Variants in KCNMB2 observed in about 807,000 individuals in gnomAD.
The protein encoded by KCNMB2 is calcium-activated potassium channel subunit beta-2.
In KCNMB2, 9 loss-of-function variants were observed where a neutral mutation model predicts 24.5. That is an observed-to-expected ratio of 0.37 (90% CI 0.22 to 0.64). The LOEUF (loss-of-function observed/expected upper bound fraction) is 0.64. Among genes scored for constraint, KCNMB2 ranks in the 30% least tolerant of loss-of-function variants. KCNMB2 has a pLI of 0.63. For missense variants in KCNMB2, 226 were observed against 284.3 expected (o/e 0.79, Z 1.47); for synonymous variants, 109 against 104.4 (o/e 1.04, Z -0.27).
At chr3:178,614,840 T>C (rs1035654423) in intron 1 of KCNMB2, among the ~76,000 whole-genome samples, 9 of 152,200 alleles carry the variant, frequency 5.9e-5, no homozygotes, top group African/African-American at 2.2e-4. Context: ...TAGATGTTTT[T>C]TGGTGTCTGT....
intron 1 of KCNMB2, among the ~76,000 whole-genome samples, chr3:178,547,565 T>C (rs1176099011): frequency 6.6e-6 from 1 of 152,226 alleles, no homozygotes; most frequent in East Asian, 1.9e-4. Flanking sequence ...TATGTATGTA[T>C]GTGTGTATGT....
chr3:178,610,589 G>A (rs538281413), intron 1 of KCNMB2, among the ~76,000 whole-genome samples: 5 of 152,274 alleles, frequency 3.3e-5, no homozygotes, highest in African/African-American at 7.2e-5. Context: ...ACTGATTTCT[G>A]TATGTTGACT....
intron 1 of KCNMB2, among the ~76,000 whole-genome samples, chr3:178,634,873 C>G (rs1719458783): frequency 6.6e-6 from 1 of 152,020 alleles, no homozygotes; most frequent in Non-Finnish European, 1.5e-5. Flanking sequence ...AGGAAAAGGG[C>G]CTTTGATCAG....
At position 178,568,861 on chromosome 3, in the gene KCNMB2, TA is replaced by T. The variant is rs879689188; in HGVS notation, c.-68+32151del. The stretch of plus-strand genomic sequence containing the variant: ...GATAGATAGATAGATAGATGATAGA[TA>T]GATAGATAGATAGATAGATAGATAG... On this transcript the variant is annotated intron_variant, in intron 1 of 4. Coordinates refer to ENST00000452583, the MANE Select transcript of KCNMB2 (RefSeq NM_181361.3). Among the ~76,000 whole-genome samples the T allele has an allele frequency of 3.4e-3, 400 of 118,328 alleles. 3 individuals are homozygous for T. The highest frequency in any genetic ancestry group is 5.7e-3 in the Non-Finnish European group (308 of 54,130). 77.6% of individuals were successfully genotyped at this position (118,328 alleles called of 152,430 possible). A position where few individuals can be genotyped will look rare whatever the true frequency, so the allele number is the denominator to read the frequency against.
intron 1 of KCNMB2, among the ~76,000 whole-genome samples, chr3:178,751,934 C>T (rs1175641011): frequency 6.6e-6 from 1 of 152,212 alleles, no homozygotes; most frequent in Non-Finnish European, 1.5e-5. Context: ...ATTAGAATAA[C>T]TTCCTTTTGG....
At chr3:178,778,290 G>A (rs111466558) in intron 1 of KCNMB2, among the ~76,000 whole-genome samples, 11 of 152,116 alleles carry the variant, frequency 7.2e-5, no homozygotes, top group South Asian at 2.1e-4. Context: ...CTACTCAGTC[G>A]AATTCCTACT....
intron 1 of KCNMB2, among the ~76,000 whole-genome samples, chr3:178,549,958 C>T (rs1715894107): frequency 6.6e-6 from 1 of 151,868 alleles, no homozygotes. Context: ...CTTTCTATCC[C>T]CTTGCATTAT....
chr3:178,564,733 T>C (rs1716456821), intron 1 of KCNMB2, among the ~76,000 whole-genome samples: 1 of 152,214 alleles, frequency 6.6e-6, no homozygotes, highest in Non-Finnish European at 1.5e-5. Context: ...TCAATACAAA[T>C]GTTTTGGAGG....
At chr3:178,658,758 T>C (rs1439997063) in intron 1 of KCNMB2, among the ~76,000 whole-genome samples, 1 of 152,208 alleles carries the variant, frequency 6.6e-6, no homozygotes, top group East Asian at 1.9e-4. Context: ...ATCATGACTA[T>C]AATATATTAC....
intron 1 of KCNMB2, among the ~76,000 whole-genome samples, chr3:178,686,885 G>T (rs1244191829): frequency 6.6e-6 from 1 of 151,092 alleles, no homozygotes; most frequent in Non-Finnish European, 1.5e-5. Flanking sequence ...AACAAATCAT[G>T]TTCCAACCAA....
intron 1 of KCNMB2, among the ~76,000 whole-genome samples, chr3:178,659,273 C>T (rs1431405799): frequency 6.6e-6 from 1 of 152,210 alleles, no homozygotes; most frequent in Admixed American, 6.5e-5. Flanking sequence ...GTTCTGCATC[C>T]TCAGGTTTCC....
At chr3:178,727,572 A>G (rs1383942769) in intron 1 of KCNMB2, among the ~76,000 whole-genome samples, 3 of 152,288 alleles carry the variant, frequency 2.0e-5, no homozygotes, top group Admixed American at 2.0e-4. Context: ...TTTCTTGGCT[A>G]TGGTCAGAGA....
chr3:178,542,850 C>T (rs1189020485), intron 1 of KCNMB2, among the ~76,000 whole-genome samples: 1 of 152,154 alleles, frequency 6.6e-6, no homozygotes, highest in South Asian at 2.1e-4. Flanking sequence ...CCCTGAATAT[C>T]TTGGTTTGAA....
At chr3:178,753,488 C>T (rs931792639) in intron 1 of KCNMB2, among the ~76,000 whole-genome samples, 7 of 152,072 alleles carry the variant, frequency 4.6e-5, no homozygotes, top group African/African-American at 1.4e-4. Context: ...AAAGCATTTA[C>T]AAAAATGCCT....
At position 178,662,683 on chromosome 3, in the gene KCNMB2, C is replaced by T. The variant is rs1577080561; in HGVS notation, c.-68+125972C>T. Among the ~76,000 whole-genome samples the T allele has an allele frequency of 2.6e-5, 4 of 152,084 alleles. No homozygotes were observed. The East Asian group carries it at 5.8e-4, about 22-fold the overall frequency. Reference sequence around the variant, plus strand: ...CAGAGGAAGTGTGAGTATGAAATAACAAATATGAAAAAATTACACTATTTC... The same window carrying T: ...CAGAGGAAGTGTGAGTATGAAATAATAAATATGAAAAAATTACACTATTTC... On this transcript the variant is annotated intron_variant, in intron 1 of 4. Coordinates refer to ENST00000452583, the MANE Select transcript of KCNMB2 (RefSeq NM_181361.3).
At chr3:178,752,673 G>A (rs953396124) in intron 1 of KCNMB2, among the ~76,000 whole-genome samples, 2 of 152,200 alleles carry the variant, frequency 1.3e-5, no homozygotes, top group Non-Finnish European at 1.5e-5. Flanking sequence ...TTACTGTGGT[G>A]TAATCAAAAA....
chr3:178,770,988 C>T (rs1712327165), intron 1 of KCNMB2, among the ~76,000 whole-genome samples: 1 of 152,152 alleles, frequency 6.6e-6, no homozygotes, highest in South Asian at 2.1e-4. Flanking sequence ...AACAGATACT[C>T]TCAGGAAAAA....
intron 1 of KCNMB2, among the ~76,000 whole-genome samples, chr3:178,628,771 A>G (rs1223944665): frequency 6.6e-6 from 1 of 152,182 alleles, no homozygotes; most frequent in Non-Finnish European, 1.5e-5. Flanking sequence ...TAAAAATGGT[A>G]GAGATGTTCA....
At chr3:178,708,820 T>C (rs1722361957) in intron 1 of KCNMB2, among the ~76,000 whole-genome samples, 1 of 152,202 alleles carries the variant, frequency 6.6e-6, no homozygotes, top group African/African-American at 2.4e-5. Context: ...ACAGATAGAT[T>C]TGAACCTAAG....
Sources: allele counts gnomAD v4.1 joint callset (sites outside exome capture counted in the v4.1 genomes callset), GRCh38; gene constraint gnomAD v4.1.1; transcripts MANE v1.5; gene names NCBI Gene and HGNC (gene_info 2026-07-23, HGNC 2026-07-21).